MBNL1: variants seen among roughly 807,000 people sequenced by gnomAD.
MBNL1 encodes the protein muscleblind-like protein 1.
A neutral mutation model predicts 42.2 loss-of-function variants in MBNL1; 8 were observed. The observed-to-expected ratio is 0.19, with a 90% CI of 0.11 to 0.34. The LOEUF (loss-of-function observed/expected upper bound fraction) is 0.34. Ranked by LOEUF, MBNL1 falls within the 10% of genes least tolerant of loss-of-function variation. The probability of loss-of-function intolerance (pLI) is 1.00; values close to 1 mark genes in which losing one functional copy is unlikely to be tolerated. For synonymous variants in MBNL1, 169 were observed against 173.9 expected, an observed-to-expected ratio of 0.97 and a Z score of 0.22; for missense variants, 309 against 495.3, an observed-to-expected ratio of 0.62 and a Z score of 3.57.
In MBNL1 at chr3:152,355,864, T is replaced by TAA. The variant is rs554682918; in HGVS notation, c.174+55498_174+55499insAA. The stretch of plus-strand genomic sequence containing the variant: ...CCACCAATTTCAGTATTCTAGTTGA[T>TAA]AGAGTCAAAATCATAGCATGCGGAA... On this transcript the variant is annotated intron_variant, in intron 2 of 9. Transcript: ENST00000324210. Among the ~76,000 whole-genome samples, 96 of 152,336 alleles carry TAA rather than the reference T, an allele frequency of 6.3e-4. 2 individuals are homozygous for TAA. The South Asian group carries it at 0.019, about 31-fold the overall frequency.
chr3:152,343,279 A>G (rs965620120), intron 2 of MBNL1, among the ~76,000 whole-genome samples: 1 of 152,198 alleles, frequency 6.6e-6, no homozygotes, highest in African/African-American at 2.4e-5. Context: ...CTTTTGAAGC[A>G]GAACCCAAAC....
chr3:152,403,325 A>G (rs139032663), intron 2 of MBNL1, among the ~76,000 whole-genome samples: 26 of 152,296 alleles, frequency 1.7e-4, no homozygotes, highest in African/African-American at 5.5e-4. Flanking sequence ...TTTAGAACAG[A>G]GCACCTTGTG....
intron 2 of MBNL1, among the ~76,000 whole-genome samples, chr3:152,371,962 C>T (rs987953963): frequency 2.0e-5 from 3 of 152,226 alleles, no homozygotes; most frequent in East Asian, 3.8e-4. Flanking sequence ...TTGGTCTTCT[C>T]ACATAGTCCC....
chr3:152,312,273 A>G (rs1220408020), intron 2 of MBNL1, among the ~76,000 whole-genome samples: 1 of 152,104 alleles, frequency 6.6e-6, no homozygotes, highest in South Asian at 2.1e-4. Flanking sequence ...GGGAAATATA[A>G]TTATTTTTAT....
chr3:152,316,647 T>C (rs1394706883), intron 2 of MBNL1, among the ~76,000 whole-genome samples: 3 of 152,158 alleles, frequency 2.0e-5, no homozygotes, highest in African/African-American at 4.8e-5. Context: ...TGGGCAGATA[T>C]ATATTTTAAA....
At chr3:152,268,828 G>T (rs2038086981), upstream of MBNL1, 1 of 448,882 alleles carries the variant, frequency 2.2e-6, no homozygotes, top group Admixed American at 2.4e-5. Context: ...CGACGAGTCC[G>T]CCCTGGGCTT....
At chr3:152,458,267 T>G in intron 8 of MBNL1, 3 of 1,329,046 alleles carry the variant, frequency 2.3e-6, no homozygotes, top group Non-Finnish European at 3.2e-6. Flanking sequence ...TGTAAAAATG[T>G]CAGCTGAGAA....
At chr3:152,268,484 C>A (rs2149602636), upstream of MBNL1, 2 of 313,182 alleles carry the variant, frequency 6.4e-6, no homozygotes, top group South Asian at 4.8e-5. Context: ...GGCTTCCTTG[C>A]AAAGCCCGGT....
chr3:152,298,784 AC>A (rs1212754194), intron 1 of MBNL1, among the ~76,000 whole-genome samples: 1 of 151,918 alleles, frequency 6.6e-6, no homozygotes, highest in African/African-American at 2.4e-5. Context: ...ATTTGTAAAC[AC>A]CCCTTTCCTT....
intron 1 of MBNL1, among the ~76,000 whole-genome samples, chr3:152,276,158 A>G (rs979384221): frequency 6.6e-6 from 1 of 152,060 alleles, no homozygotes; most frequent in Admixed American, 6.5e-5. Context: ...TATTATTCCA[A>G]TGTTCATGTT....
At chr3:152,248,866 T>C (rs982616495) in intron 2 of MBNL1, among the ~76,000 whole-genome samples, 1 of 150,732 alleles carries the variant, frequency 6.6e-6, no homozygotes, top group African/African-American at 2.4e-5. Flanking sequence ...GAACATGCAG[T>C]GTTTGGTTTT....
At chr3:152,270,072 G>A (rs891291355) in intron 1 of MBNL1, among the ~76,000 whole-genome samples, 4 of 152,042 alleles carry the variant, frequency 2.6e-5, no homozygotes, top group African/African-American at 9.7e-5. Flanking sequence ...GGGTGTTGCT[G>A]CCAGAGTAAT....
chr3:152,435,996 T>G (rs776506815), intron 4 of MBNL1, among the ~76,000 whole-genome samples: 6 of 152,140 alleles, frequency 3.9e-5, no homozygotes, highest in Non-Finnish European at 8.8e-5. Flanking sequence ...CAAACAGGGA[T>G]AATTTGACTT....
intron 2 of MBNL1, among the ~76,000 whole-genome samples, chr3:152,391,451 C>T (rs2097713914): frequency 6.6e-6 from 1 of 152,026 alleles, no homozygotes; most frequent in Non-Finnish European, 1.5e-5. Flanking sequence ...TTTTTTCTTC[C>T]AGTTCTTCAT....
chr3:152,312,203 A>C (rs13089233), intron 2 of MBNL1, among the ~76,000 whole-genome samples: 16,820 of 151,178 alleles, frequency 0.11, 1,145 homozygotes, highest in Middle Eastern at 0.17. Flanking sequence ...AAAAAAAAAA[A>C]AAAAAAAAAG....
intron 2 of MBNL1, among the ~76,000 whole-genome samples, chr3:152,315,862 ACACACT>A (rs1256775166): frequency 4.2e-4 from 50 of 119,074 alleles, no homozygotes; most frequent in Non-Finnish European, 5.3e-5. Context: ...ACACACACAC[ACACACT>A]CTCTCTCTCT....
intron 2 of MBNL1, among the ~76,000 whole-genome samples, chr3:152,363,709 C>G (rs931203428): frequency 1.6e-4 from 25 of 152,066 alleles, no homozygotes; most frequent in African/African-American, 5.1e-4. Context: ...ATTGATAGTT[C>G]CATTTTAGAG....
At chr3:152,380,138 G>C (rs558993138) in intron 2 of MBNL1, among the ~76,000 whole-genome samples, 46 of 152,154 alleles carry the variant, frequency 3.0e-4, no homozygotes, top group Non-Finnish European at 5.9e-4. Context: ...GTCACTTACT[G>C]TTAGGTTCTC....
chr3:152,326,117 TGAC>T (rs1341643007), intron 2 of MBNL1, among the ~76,000 whole-genome samples: 4 of 152,292 alleles, frequency 2.6e-5, no homozygotes, highest in Admixed American at 6.5e-5. Context: ...CTATGAAAAT[TGAC>T]GACAATTTTA....
Sources: gnomAD v4.1 joint callset for allele counts (sites outside exome capture counted in the v4.1 genomes callset) on GRCh38, gnomAD v4.1.1 for gene constraint, MANE v1.5 for transcripts, NCBI Gene and HGNC (gene_info 2026-07-23, HGNC 2026-07-21) for gene names.